Variants in PACSIN2 observed in about 807,000 individuals in gnomAD.
PACSIN2 encodes protein kinase C and casein kinase substrate in neurons 2, also known as protein kinase C and casein kinase substrate in neurons protein 2.
A neutral mutation model predicts 63.8 loss-of-function variants in PACSIN2; 25 were observed. That is an observed-to-expected ratio of 0.39 (90% CI 0.29 to 0.55). The LOEUF is 0.55. Ranked by LOEUF, PACSIN2 falls within the 20% of genes least tolerant of loss-of-function variation. The pLI is 0.62. For missense variants in PACSIN2, 518 were observed against 646.9 expected (o/e 0.80, Z 2.16); for synonymous variants, 255 against 256.2 (o/e 1.00, Z 0.05).
chr22:42,876,419 G>T, intron 9 of PACSIN2, 86 bp from the exon 10 acceptor site: 1 of 1,178,420 alleles, frequency 8.5e-7, no homozygotes, highest in South Asian at 1.4e-5. Context: ...GGGCACTGGA[G>T]CCTTGGGGCT....
chr22:42,981,380 G>C (rs1248104312), intron 1 of PACSIN2, among the ~76,000 whole-genome samples: 6 of 142,052 alleles, frequency 4.2e-5, no homozygotes, highest in Admixed American at 1.4e-4. Context: ...CGCCCGACCA[G>C]CCGCCCCGTC....
intron 1 of PACSIN2, among the ~76,000 whole-genome samples, chr22:42,954,937 C>T (rs1022769557): frequency 2.0e-5 from 3 of 151,922 alleles, no homozygotes; most frequent in Admixed American, 6.5e-5. Flanking sequence ...CACATATAAA[C>T]GGCACTCCAG....
In PACSIN2 at chr22:42,879,292, G is replaced by A. The variant is rs952249633; in HGVS notation, c.907-123C>T. On this transcript the variant is annotated intron_variant, in intron 7 of 10. Coordinates refer to ENST00000263246, the MANE Select transcript of PACSIN2 (RefSeq NM_001184970.3). ...CTGTGCATCTGATGTGTAGACTCAGGGCCCCAGCTCTCCCTGGTTTCCCAG... is the reference window on the plus strand; with the variant it reads ...CTGTGCATCTGATGTGTAGACTCAGAGCCCCAGCTCTCCCTGGTTTCCCAG... 2.1e-5 allele frequency: 22 copies of A among 1,042,232 alleles called. 1 individual carries two copies. In the African/African-American group the frequency reaches 3.4e-4, roughly 16 times the overall value. 64.6% of individuals were successfully genotyped at this position (1,042,232 alleles called of 1,614,324 possible).
At chr22:42,902,474 C>T (rs1393248758) in intron 2 of PACSIN2, among the ~76,000 whole-genome samples, 1 of 152,196 alleles carries the variant, frequency 6.6e-6, no homozygotes, top group Non-Finnish European at 1.5e-5. Flanking sequence ...AAAGAGGACA[C>T]CCTATCTTCT....
chr22:42,986,617 A>G, intron 1 of PACSIN2, among the ~76,000 whole-genome samples: 1 of 152,102 alleles, frequency 6.6e-6, no homozygotes, highest in Non-Finnish European at 1.5e-5. Context: ...ACACACTAAA[A>G]TCCACATGGG....
In PACSIN2 at chr22:42,914,922, C is replaced by T. The variant is rs566607486; in HGVS notation, c.-77-2765G>A. Among the ~76,000 whole-genome samples the T allele has an allele frequency of 2.0e-5, 3 of 152,312 alleles. No individual in the cohort carries two copies. In the South Asian group the frequency reaches 6.2e-4, roughly 32 times the overall value. The stretch of plus-strand genomic sequence containing the variant: ...TGTCATCCAAGCTGGAGTGCAGTGG[C>T]ATGATCACACAGCTCACTGCAGCCT... On this transcript the variant is annotated intron_variant, in intron 1 of 10. Coordinates refer to ENST00000263246, the MANE Select transcript of PACSIN2 (RefSeq NM_001184970.3).
chr22:42,912,199 C>A, intron 1 of PACSIN2, 42 bp from the exon 2 acceptor site: 1 of 657,748 alleles, frequency 1.5e-6, no homozygotes. Context: ...TTTAAATTCC[C>A]AAGGTAAAGA....
intron 1 of PACSIN2, among the ~76,000 whole-genome samples, chr22:42,930,391 C>T (rs937219241): frequency 1.3e-5 from 2 of 152,228 alleles, no homozygotes; most frequent in Admixed American, 1.3e-4. Flanking sequence ...ACCTTTGTCT[C>T]AGCTCTCAGA....
At chr22:42,973,496 C>T (rs1214593484) in intron 1 of PACSIN2, among the ~76,000 whole-genome samples, 1 of 152,260 alleles carries the variant, frequency 6.6e-6, no homozygotes, top group Non-Finnish European at 1.5e-5. Context: ...ACTCCAGATG[C>T]TTTCCCCATT....
chr22:43,014,321 T>C (rs1924704531), intron 1 of PACSIN2, among the ~76,000 whole-genome samples: 1 of 130,448 alleles, frequency 7.7e-6, no homozygotes. Context: ...CCCCCCGCCC[T>C]ACACACACAC....
intron 1 of PACSIN2, among the ~76,000 whole-genome samples, chr22:42,921,841 C>T (rs777647803): frequency 1.3e-5 from 2 of 151,782 alleles, no homozygotes; most frequent in African/African-American, 2.4e-5. Context: ...CGGGTTCAGG[C>T]GATTCTCCTG....
chr22:43,013,970 G>A (rs929375326), intron 1 of PACSIN2, among the ~76,000 whole-genome samples: 1 of 152,132 alleles, frequency 6.6e-6, no homozygotes, highest in Non-Finnish European at 1.5e-5. Flanking sequence ...GGCATCCCCA[G>A]GTCCTGTTAT....
At chr22:42,977,572 A>T (rs1196547622) in intron 1 of PACSIN2, among the ~76,000 whole-genome samples, 1 of 152,184 alleles carries the variant, frequency 6.6e-6, no homozygotes, top group African/African-American at 2.4e-5. Flanking sequence ...AACATCTAGC[A>T]CTGGTGGAAA....
chr22:42,911,990 T>C, intron 2 of PACSIN2, 31 bp downstream of exon 2: 1 of 1,560,832 alleles, frequency 6.4e-7, no homozygotes. Context: ...GCCTGGCCAC[T>C]TCATTCACTG....
chr22:42,905,762 G>A (rs1393699301), intron 2 of PACSIN2, among the ~76,000 whole-genome samples: 1 of 152,200 alleles, frequency 6.6e-6, no homozygotes, highest in African/African-American at 2.4e-5. Flanking sequence ...TGCCCGGCTG[G>A]CTCCCTGCAG....
chr22:42,958,810 G>T lies in PACSIN2; in HGVS notation c.-77-46653C>A, dbSNP rs144709359. 4.1e-3 allele frequency among the ~76,000 whole-genome samples: 617 copies of T among 152,304 alleles called. 4 individuals are homozygous for T. The highest frequency in any genetic ancestry group is 0.014 in the African/African-American group (594 of 41,560). ...TTCTGGAGGACGGAGAGAGGATGCTGCCTTTTTAATGGCAATCAGTAATCC... is the reference window on the plus strand; with the variant it reads ...TTCTGGAGGACGGAGAGAGGATGCTTCCTTTTTAATGGCAATCAGTAATCC... On this transcript the variant is annotated intron_variant, in intron 1 of 10. Coordinates refer to ENST00000263246, the MANE Select transcript of PACSIN2 (RefSeq NM_001184970.3).
At chr22:42,948,001 A>C (rs1002612469) in intron 1 of PACSIN2, among the ~76,000 whole-genome samples, 1 of 152,338 alleles carries the variant, frequency 6.6e-6, no homozygotes, top group South Asian at 2.1e-4. Flanking sequence ...AAGAGCTAGG[A>C]AACAGTTCTG....
intron 2 of PACSIN2, among the ~76,000 whole-genome samples, chr22:42,896,182 C>T (rs1930266944): frequency 6.6e-6 from 1 of 152,170 alleles, no homozygotes; most frequent in Non-Finnish European, 1.5e-5. Context: ...CCATCCCCTC[C>T]CCATACAGCC....
chr22:42,919,772 CAA>C (rs761464603), intron 1 of PACSIN2, among the ~76,000 whole-genome samples: 8 of 48,790 alleles, frequency 1.6e-4, no homozygotes, highest in African/African-American at 2.5e-4. Flanking sequence ...GAACCTGTCT[CAA>C]AAAAAAAAAA....
Sources: allele counts gnomAD v4.1 joint callset (sites outside exome capture counted in the v4.1 genomes callset), GRCh38; gene constraint gnomAD v4.1.1; transcripts MANE v1.5; gene names NCBI Gene and HGNC (gene_info 2026-07-23, HGNC 2026-07-21).